Variants in PLD2 observed in about 807,000 individuals in gnomAD.
The protein encoded by PLD2 is phospholipase D2, also known as choline phosphatase 2.
In PLD2, 101 loss-of-function variants were observed where a neutral mutation model predicts 119.8. The observed-to-expected ratio is 0.84, with a 90% CI of 0.72 to 0.99. The LOEUF is 0.99. PLD2 is among the 50% of genes least tolerant of loss of function. The probability of loss-of-function intolerance (pLI) is 0.00; values close to 1 mark genes in which losing one functional copy is unlikely to be tolerated. For missense variants in PLD2, 1,164 were observed against 1,226.8 expected (o/e 0.95, Z 0.76); for synonymous variants, 494 against 482.8 (o/e 1.02, Z -0.30).
chr17:4,814,793 T>C, intron 12 of PLD2, 82 bp downstream of exon 12: 1 of 1,262,758 alleles, frequency 7.9e-7, no homozygotes, highest in Non-Finnish European at 1.1e-6. Flanking sequence ...GTGGGAGAAT[T>C]AGGCAGTCTG....
Position 4,819,467 on chromosome 17 carries a change from C to T in PLD2, c.2347C>T (p.Arg783Trp), listed in dbSNP as rs754822580. The T allele has an allele frequency of 7.4e-6, 12 of 1,613,764 alleles. No individual in the cohort carries two copies. Among genetic ancestry groups the T allele is most frequent in the Non-Finnish European group, 1.0e-5 (12 of 1,179,928 alleles). ...NINDRSLLGK[R>W]DSELAVLIED... ...CAATGACCGGAGCTTGCTGGGGAAGCGGGACAGTGAGCTGGCCGTGCTGAT... is the reference window on the plus strand; with the variant it reads ...CAATGACCGGAGCTTGCTGGGGAAGTGGGACAGTGAGCTGGCCGTGCTGAT... Residue 783 changes from arginine to tryptophan, a missense_variant, in exon 23 of 25, where the codon CGG (arginine) becomes TGG (tryptophan). By Grantham distance (101) the Arg-to-Trp change is moderately radical. Coordinates refer to ENST00000263088, the MANE Select transcript of PLD2 (RefSeq NM_002663.5). This position sits in a 1 kb window ranked among gnomAD's most constrained non-coding sequence, Gnocchi z 4.2.
Position 4,815,940 on chromosome 17 carries a change from C to T in PLD2, c.1455+6C>T, listed in dbSNP as rs1567530842. On this transcript the variant is annotated splice_donor_region_variant and intron_variant, in intron 14 of 24. Coordinates refer to ENST00000263088, the MANE Select transcript of PLD2 (RefSeq NM_002663.5). ...CTGAATCAGCTGCCTCCCAGGTAATCCCCCTGAGGCCTTCCTGAGCACCCC... is the reference window on the plus strand; with the variant it reads ...CTGAATCAGCTGCCTCCCAGGTAATTCCCCTGAGGCCTTCCTGAGCACCCC... The T allele has an allele frequency of 6.3e-7, 1 of 1,596,052 alleles. No homozygotes were observed. The highest frequency in any genetic ancestry group is 8.6e-7 in the Non-Finnish European group (1 of 1,163,862).
intron 14 of PLD2, among the ~76,000 whole-genome samples, chr17:4,816,180 G>A (rs1192071937): frequency 2.6e-5 from 4 of 152,080 alleles, no homozygotes; most frequent in African/African-American, 4.8e-5. Context: ...TCTGGAGTTC[G>A]AGACCAGCCT....
chr17:4,819,652 G>A lies in PLD2; in HGVS notation c.2462+70G>A. 1 of 1,443,964 alleles carries A rather than the reference G, an allele frequency of 6.9e-7. No homozygotes were observed. The highest frequency in any genetic ancestry group is 9.5e-7 in the Non-Finnish European group (1 of 1,057,410). 89.4% of individuals were successfully genotyped at this position (1,443,964 alleles called of 1,614,324 possible). On this transcript the variant is annotated intron_variant, in intron 23 of 24. Transcript: ENST00000263088. The surrounding 1 kb of genome is among the most constrained non-coding windows in gnomAD (Gnocchi z 4.2). ...CGTCTGCCTTTTGAGCAGGACAAGA[G>A]GTAGCACCGCATAGGTACTCCCGGA... is the stretch of plus-strand genomic sequence containing the variant.
At chr17:4,809,051 G>A (rs1243748605) in intron 4 of PLD2, 49 bp from the exon 5 acceptor site, 21 of 1,419,704 alleles carry the variant, frequency 1.5e-5, no homozygotes, top group Non-Finnish European at 2.0e-5. Flanking sequence ...AGGAACCAGA[G>A]CACCCAGCCT....
rs1180289481 is a variant in PLD2, at chr17:4,816,953, G to A, written c.1599G>A (p.Glu533=). 1.2e-6 allele frequency: 2 copies of A among 1,613,484 alleles called. No homozygotes were observed. Among genetic ancestry groups the A allele is most frequent in the East Asian group, 2.2e-5 (1 of 44,866 alleles). The part of the protein sequence containing the change: ...DRPFEDFIDR[E]TTPRMPWRDV... ...ACCCCCCAGATTTCATTGACAGGGA[G>A]ACGACCCCTCGGATGCCATGGCGGG... is the stretch of plus-strand genomic sequence containing the variant. The change falls in exon 16 of 25, where the codon GAG becomes GAA. Residue 533 remains glutamate, a synonymous_variant. Transcript: ENST00000263088.
Position 4,809,791 on chromosome 17 carries a change from C to T in PLD2, c.707+8C>T. On this transcript the variant is annotated splice_region_variant and intron_variant, in intron 8 of 24. Transcript: ENST00000263088. ...TTATCGCTGGTCCAAGAGGTACGGG[C>T]TATGGCCAAGCAGCTGGGCAGTGGG... The T allele has an allele frequency of 6.2e-7, 1 of 1,614,072 alleles. No individual in the cohort carries two copies. Among genetic ancestry groups the T allele is most frequent in the Non-Finnish European group, 8.5e-7 (1 of 1,179,986 alleles).
chr17:4,812,705 T>A (rs1466263261), intron 10 of PLD2, among the ~76,000 whole-genome samples: 2 of 152,148 alleles, frequency 1.3e-5, no homozygotes, highest in African/African-American at 4.8e-5. Flanking sequence ...CGAGGGAACA[T>A]TCCAGGACGA....
At position 4,814,510 on chromosome 17, in the gene PLD2, G is replaced by A; in HGVS notation, c.1094+9G>A. ...TTCATCACAGACTGGTGGTGAGTGG[G>A]AAAAGGCCCCAACAACATGGGGCAG... On this transcript the variant is annotated intron_variant, in intron 11 of 24. Transcript: ENST00000263088. 6 of 1,613,028 alleles carry A rather than the reference G, an allele frequency of 3.7e-6. No homozygotes were observed. Among genetic ancestry groups the A allele is most frequent in the Non-Finnish European group, 5.1e-6 (6 of 1,179,600 alleles).
chr17:4,809,851 G>A, intron 8 of PLD2, 26 bp from the exon 9 acceptor site: 1 of 1,614,102 alleles, frequency 6.2e-7, no homozygotes, highest in Non-Finnish European at 8.5e-7. Flanking sequence ...GGGCAGAGAG[G>A]AACACACGGA....
rs765993254 is a variant in PLD2 at position 4,821,883 on chromosome 17, G to C, written c.2553G>C (p.Glu851Asp). The stretch of plus-strand genomic sequence containing the variant: ...TCCAGTTGTGGCAAGACATGGCTGA[G>C]AGCAACGCCAATATCTATGAGCAGG... ...DFFQLWQDMA[E>D]SNANIYEQIF... The change falls in exon 24 of 25, where the codon GAG becomes GAC. Residue 851 changes from glutamate to aspartate, a missense_variant. Glu to Asp is a conservative substitution (Grantham distance 45). Coordinates refer to ENST00000263088, the MANE Select transcript of PLD2 (RefSeq NM_002663.5). The C allele has an allele frequency of 1.7e-5, 28 of 1,613,610 alleles. No homozygotes were observed. Among genetic ancestry groups the C allele is most frequent in the Non-Finnish European group, 2.1e-5 (25 of 1,179,606 alleles).
chr17:4,814,331 C>T lies in PLD2; in HGVS notation c.1011-87C>T, dbSNP rs916750388. 8 of 1,532,908 alleles carry T rather than the reference C, an allele frequency of 5.2e-6. No individual in the cohort carries two copies. In the African/African-American group the frequency reaches 1.1e-4, roughly 21 times the overall value. The allele number at this position is 1,532,908 out of a possible 1,614,324, so 95.0% of individuals were successfully genotyped here. A position where few individuals can be genotyped will look rare whatever the true frequency, so the allele number is the denominator to read the frequency against. On this transcript the variant is annotated intron_variant, in intron 10 of 24. Coordinates refer to ENST00000263088, the MANE Select transcript of PLD2 (RefSeq NM_002663.5). ...CTGATCTTTGACCTTGCTGTCACCT[C>T]TGACCCACGACTGTCCTCCGGTCTT... is the stretch of plus-strand genomic sequence containing the variant.
At position 4,817,734 on chromosome 17, in the gene PLD2, G is replaced by A. The variant is rs551831604; in HGVS notation, c.1816-268G>A. Among the ~76,000 whole-genome samples, 77 of 151,272 alleles carry A rather than the reference G, an allele frequency of 5.1e-4. 1 individual carries two copies. Among genetic ancestry groups the A allele is most frequent in the East Asian group, 2.2e-3 (11 of 5,102 alleles). On this transcript the variant is annotated intron_variant, in intron 17 of 24. Transcript: ENST00000263088. ...AGCACTTTGGGAGGCCGAGGCAGGC[G>A]GATCACGAGGTCCGGAGAGCAAGAC...
At position 4,808,946 on chromosome 17, in the gene PLD2, G is replaced by A. The variant is rs114788325; in HGVS notation, c.384-154G>A. 0.016 allele frequency among the ~76,000 whole-genome samples: 2,508 copies of A among 152,134 alleles called. 60 individuals are homozygous for A. The highest frequency in any genetic ancestry group is 0.058 in the African/African-American group (2,388 of 41,514). ...TGAGCTCAAGTGATCCACCTGCTGC[G>A]GCCTCCCCAAGTGCTGGGATTCCAG... On this transcript the variant is annotated intron_variant, in intron 4 of 24. Coordinates refer to ENST00000263088, the MANE Select transcript of PLD2 (RefSeq NM_002663.5). The surrounding 1 kb of genome is among the most constrained non-coding windows in gnomAD (Gnocchi z 4.1).
chr17:4,811,001 CT>C, intron 10 of PLD2, 50 bp downstream of exon 10: 1 of 1,549,786 alleles, frequency 6.5e-7, no homozygotes, highest in Non-Finnish European at 8.7e-7. Flanking sequence ...TCTTGACCCC[CT>C]GTGTAATCTC....
intron 23 of PLD2, among the ~76,000 whole-genome samples, chr17:4,820,782 T>C (rs1907595801): frequency 6.7e-6 from 1 of 149,158 alleles, no homozygotes; most frequent in South Asian, 2.1e-4. Context: ...TTCACCGTGT[T>C]AGCCAGGATG....
At chr17:4,811,082 A>C (rs924028268) in intron 10 of PLD2, 131 bp downstream of exon 10, 1 of 835,250 alleles carries the variant, frequency 1.2e-6, no homozygotes. Flanking sequence ...TGACTTCTTT[A>C]ATCTTCCTGA....
At chr17:4,810,093 A>G (rs531087407) in intron 9 of PLD2, 64 bp downstream of exon 9, 75 of 1,539,530 alleles carry the variant, frequency 4.9e-5, no homozygotes, top group Admixed American at 9.2e-5. Flanking sequence ...CCTTGCTGGG[A>G]GTTGAGAAAG....
chr17:4,814,883 G>A (rs965755320), intron 12 of PLD2, among the ~76,000 whole-genome samples, 172 bp downstream of exon 12: 3 of 152,134 alleles, frequency 2.0e-5, no homozygotes, highest in Non-Finnish European at 4.4e-5. Flanking sequence ...TCTGCCCTAA[G>A]GAGAACTGAC....
Sources: gnomAD v4.1 joint callset for allele counts (sites outside exome capture counted in the v4.1 genomes callset) on GRCh38, gnomAD v4.1.1 for gene constraint, Gnocchi (gnomAD v3.1) non-coding constraint, MANE v1.5 for transcripts, NCBI Gene and HGNC (gene_info 2026-07-23, HGNC 2026-07-21) for gene names.